The following CTNNA3 variants were observed in gnomAD, a reference collection of about 807,000 sequenced individuals.
CTNNA3 encodes the protein catenin alpha-3.
In CTNNA3, 76 loss-of-function variants were observed where a neutral mutation model predicts 95.7. The ratio of observed to expected loss-of-function variants is 0.79; its 90% confidence interval spans 0.66 to 0.96. The LOEUF is 0.96. Among genes scored for constraint, CTNNA3 ranks in the 40% least tolerant of loss-of-function variants. CTNNA3 has a pLI of 0.00. For synonymous variants in CTNNA3, 431 were observed against 374.4 expected (o/e 1.15, Z -1.74); for missense variants, 1,191 against 1,089.8 (o/e 1.09, Z -1.31).
intron 12 of CTNNA3, among the ~76,000 whole-genome samples, chr10:66,319,946 T>C (rs2092158398): frequency 6.6e-6 from 1 of 152,054 alleles, no homozygotes; most frequent in South Asian, 2.1e-4. Flanking sequence ...GAGAAAACTA[T>C]TTAGAAAGGT....
intron 10 of CTNNA3, among the ~76,000 whole-genome samples, chr10:66,603,855 C>T (rs1844019515): frequency 1.3e-5 from 2 of 152,072 alleles, no homozygotes; most frequent in Admixed American, 1.3e-4. Context: ...ATAAATGGTG[C>T]TGAGAATATT....
intron 13 of CTNNA3, among the ~76,000 whole-genome samples, chr10:66,154,719 C>CATATATATACATAT (rs1554870349): frequency 1.3e-5 from 1 of 74,812 alleles, no homozygotes; most frequent in East Asian, 4.2e-4. Flanking sequence ...TGAAAAAGTT[C>CATATATATACATAT]ATATATATAT....
intron 13 of CTNNA3, among the ~76,000 whole-genome samples, chr10:66,250,148 G>T (rs1564810877): frequency 1.3e-5 from 2 of 152,132 alleles, no homozygotes; most frequent in Non-Finnish European, 2.9e-5. Flanking sequence ...GTCAGAAATA[G>T]AAAGAAATGA....
At chr10:67,043,356 C>T (rs370266326) in intron 7 of CTNNA3, among the ~76,000 whole-genome samples, 12 of 152,160 alleles carry the variant, frequency 7.9e-5, no homozygotes, top group African/African-American at 2.9e-4. Context: ...TACAGAACCA[C>T]AGCAATAATA....
At chr10:66,518,807 G>A (rs1220664439) in intron 11 of CTNNA3, among the ~76,000 whole-genome samples, 1 of 151,788 alleles carries the variant, frequency 6.6e-6, no homozygotes, top group Non-Finnish European at 1.5e-5. Flanking sequence ...TGGAATCAAA[G>A]GCCATTAATT....
intron 7 of CTNNA3, among the ~76,000 whole-genome samples, chr10:66,830,816 A>G (rs1197670824): frequency 6.6e-6 from 1 of 151,922 alleles, no homozygotes; most frequent in East Asian, 1.9e-4. Context: ...TCACCGTGTT[A>G]GCCAGGATGG....
chr10:66,730,440 C>T (rs1848923268), intron 9 of CTNNA3, among the ~76,000 whole-genome samples: 1 of 152,158 alleles, frequency 6.6e-6, no homozygotes, highest in African/African-American at 2.4e-5. Context: ...ACAACACACA[C>T]TGGAGCCTGT....
At chr10:66,751,651 C>T (rs1446072329) in intron 9 of CTNNA3, among the ~76,000 whole-genome samples, 1 of 152,156 alleles carries the variant, frequency 6.6e-6, no homozygotes, top group Non-Finnish European at 1.5e-5. Flanking sequence ...ACTCTATGCT[C>T]TTTCCTACTA....
intron 14 of CTNNA3, among the ~76,000 whole-genome samples, chr10:66,101,688 AT>A (rs2081637366): frequency 6.6e-6 from 1 of 152,184 alleles, no homozygotes; most frequent in Non-Finnish European, 1.5e-5. Context: ...TTAAACATTC[AT>A]TTCACATATG....
chr10:67,232,396 A>G, intron 5 of CTNNA3, among the ~76,000 whole-genome samples: 1 of 152,110 alleles, frequency 6.6e-6, no homozygotes, highest in Non-Finnish European at 1.5e-5. Flanking sequence ...CCAGAATTTC[A>G]TATCCAGCCA....
At chr10:66,319,413 T>C (rs1017362120) in intron 12 of CTNNA3, among the ~76,000 whole-genome samples, 1 of 152,072 alleles carries the variant, frequency 6.6e-6, no homozygotes, top group Non-Finnish European at 1.5e-5. Context: ...GGGATAACCA[T>C]GCGATGTTGG....
At chr10:66,350,920 C>G (rs2092562266) in intron 12 of CTNNA3, among the ~76,000 whole-genome samples, 1 of 151,930 alleles carries the variant, frequency 6.6e-6, no homozygotes, top group Non-Finnish European at 1.5e-5. Flanking sequence ...TTGTTAAACA[C>G]CAAATAGTCT....
At chr10:66,736,591 G>T (rs1202183315) in intron 9 of CTNNA3, among the ~76,000 whole-genome samples, 2 of 151,904 alleles carry the variant, frequency 1.3e-5, no homozygotes, top group African/African-American at 2.4e-5. Flanking sequence ...CTAAAATTAT[G>T]CCACTGTGTA....
rs112594383 is a variant in CTNNA3 at position 66,780,951 on chromosome 10, T to C, written c.1048-5427A>G. 1.1e-4 allele frequency among the ~76,000 whole-genome samples: 17 copies of C among 152,304 alleles called. No homozygotes were observed. The East Asian group carries it at 1.2e-3, about 10-fold the overall frequency. On this transcript the variant is annotated intron_variant, in intron 7 of 17. Coordinates refer to ENST00000433211, the MANE Select transcript of CTNNA3 (RefSeq NM_013266.4). Reference sequence around the variant, plus strand: ...TAAAAGGAAGAATTGTAGAATAATATGTTACTTTTATTGCACAATTTCTTG... The same window carrying C: ...TAAAAGGAAGAATTGTAGAATAATACGTTACTTTTATTGCACAATTTCTTG...
At chr10:66,926,065 T>A (rs1166640934) in intron 7 of CTNNA3, 1 of 457,172 alleles carries the variant, frequency 2.2e-6, no homozygotes, top group Non-Finnish European at 4.4e-6. Context: ...AGAATGACAG[T>A]CTGCAGAAGT....
chr10:66,299,960 T>C (rs2091837368), intron 12 of CTNNA3, among the ~76,000 whole-genome samples: 1 of 152,164 alleles, frequency 6.6e-6, no homozygotes, highest in South Asian at 2.1e-4. Context: ...TGGCATGATC[T>C]CGGTTCACTG....
chr10:67,581,031 C>T (rs1842374095), intron 3 of CTNNA3, among the ~76,000 whole-genome samples: 5 of 151,632 alleles, frequency 3.3e-5, no homozygotes, highest in Admixed American at 6.6e-5. Context: ...TCCTCTTTTC[C>T]TAATTGAATA....
At chr10:66,191,893 C>T (rs2086688082) in intron 13 of CTNNA3, among the ~76,000 whole-genome samples, 1 of 152,104 alleles carries the variant, frequency 6.6e-6, no homozygotes. Flanking sequence ...GGGCTCTGCC[C>T]TCATGAATGA....
At chr10:67,649,883 A>G (rs1157008177) in intron 1 of CTNNA3, among the ~76,000 whole-genome samples, 1 of 152,184 alleles carries the variant, frequency 6.6e-6, no homozygotes, top group Non-Finnish European at 1.5e-5. Flanking sequence ...CTTGTTGCCC[A>G]GGCTGGAGTA....
Sources: gnomAD v4.1 joint callset for allele counts (sites outside exome capture counted in the v4.1 genomes callset) on GRCh38, gnomAD v4.1.1 for gene constraint, MANE v1.5 for transcripts, NCBI Gene and HGNC (gene_info 2026-07-23, HGNC 2026-07-21) for gene names.